Variants in DOCK3 observed in about 807,000 individuals in gnomAD.
DOCK3 encodes dedicator of cytokinesis protein 3.
In DOCK3, 60 loss-of-function variants were observed where a neutral mutation model predicts 265.6. That is an observed-to-expected ratio of 0.23 (90% CI 0.18 to 0.28). DOCK3 has a LOEUF of 0.28. Ranked by LOEUF, DOCK3 falls within the 10% of genes least tolerant of loss-of-function variation. DOCK3 has a pLI of 1.00. For synonymous variants in DOCK3, 881 were observed against 938.0 expected, an observed-to-expected ratio of 0.94 and a Z score of 1.11; for missense variants, 1,981 against 2,594.3, an observed-to-expected ratio of 0.76 and a Z score of 5.14.
At chr3:51,034,132 GT>G (rs1374312215) in intron 5 of DOCK3, among the ~76,000 whole-genome samples, 1 of 152,054 alleles carries the variant, frequency 6.6e-6, no homozygotes, top group Non-Finnish European at 1.5e-5. Flanking sequence ...TTGATGTATA[GT>G]TTTTTCATAA....
At chr3:50,817,527 G>C (rs1192934490) in intron 2 of DOCK3, among the ~76,000 whole-genome samples, 8 of 151,950 alleles carry the variant, frequency 5.3e-5, no homozygotes, top group Admixed American at 2.6e-4. Flanking sequence ...GAACTCCTGG[G>C]GTCAAGTGAT....
intron 46 of DOCK3, 89 bp from the exon 47 acceptor site, chr3:51,360,422 T>C: frequency 6.7e-7 from 1 of 1,487,092 alleles, no homozygotes; most frequent in East Asian, 2.5e-5. Context: ...TTCTTTTACA[T>C]TTTTGATCAC....
intron 3 of DOCK3, chr3:50,863,447 A>AT (rs1425776805): frequency 5.8e-6 from 3 of 519,862 alleles, no homozygotes; most frequent in Non-Finnish European, 1.2e-5. Context: ...CAGTTTGGTG[A>AT]TTCATAGAAT....
chr3:51,211,209 T>C (rs1363276766), intron 13 of DOCK3, among the ~76,000 whole-genome samples: 1 of 152,172 alleles, frequency 6.6e-6, no homozygotes, highest in African/African-American at 2.4e-5. Flanking sequence ...CCTGCAATAT[T>C]TTACACAGGT....
intron 3 of DOCK3, among the ~76,000 whole-genome samples, chr3:50,856,922 G>A (rs1393666548): frequency 6.6e-6 from 1 of 152,074 alleles, no homozygotes; most frequent in Non-Finnish European, 1.5e-5. Context: ...TGCTTTTTCT[G>A]CATCTATTTG....
chr3:50,953,041 C>A lies in DOCK3; in HGVS notation c.315+18964C>A, dbSNP rs143016874. ...AGATGTCACAGTTCCTAAAACCATT[C>A]TCTGACTTTCTAATCCCTAACTAAA... On this transcript the variant is annotated intron_variant, in intron 5 of 52. Transcript: ENST00000266037. Among the ~76,000 whole-genome samples the A allele has an allele frequency of 2.8e-4, 42 of 152,216 alleles. No individual in the cohort carries two copies. In the East Asian group the frequency reaches 7.1e-3, roughly 26 times the overall value.
At chr3:50,752,150 T>C (rs1260385391) in intron 1 of DOCK3, among the ~76,000 whole-genome samples, 3 of 152,154 alleles carry the variant, frequency 2.0e-5, no homozygotes, top group Non-Finnish European at 4.4e-5. Flanking sequence ...GATATTTCAC[T>C]GGAAGCTTTC....
At chr3:50,903,212 A>G (rs949708341) in intron 4 of DOCK3, among the ~76,000 whole-genome samples, 1 of 152,104 alleles carries the variant, frequency 6.6e-6, no homozygotes, top group Non-Finnish European at 1.5e-5. Context: ...GTTGAATAGG[A>G]GTGGTGAGAG....
At chr3:50,779,921 A>G (rs1237488161) in intron 2 of DOCK3, among the ~76,000 whole-genome samples, 3 of 152,240 alleles carry the variant, frequency 2.0e-5, no homozygotes, top group Non-Finnish European at 4.4e-5. Flanking sequence ...GTACGGCTAC[A>G]AGCCATCTCA....
chr3:50,961,961 T>C (rs2076900550), intron 5 of DOCK3, among the ~76,000 whole-genome samples: 2 of 151,694 alleles, frequency 1.3e-5, no homozygotes. Flanking sequence ...AGTACACAAC[T>C]ACTAGAAGTT....
intron 32 of DOCK3, among the ~76,000 whole-genome samples, chr3:51,326,905 A>G (rs1432155508): frequency 6.6e-6 from 1 of 152,092 alleles, no homozygotes; most frequent in Non-Finnish European, 1.5e-5. Flanking sequence ...GGTTACAGGC[A>G]TGACCCACCT....
At chr3:50,827,767 G>A (rs1469394458) in intron 2 of DOCK3, among the ~76,000 whole-genome samples, 1 of 152,108 alleles carries the variant, frequency 6.6e-6, no homozygotes, top group Non-Finnish European at 1.5e-5. Flanking sequence ...ATAGTTAGGT[G>A]TAGGTGTATC....
intron 27 of DOCK3, among the ~76,000 whole-genome samples, chr3:51,306,597 T>C (rs2109437576): frequency 6.6e-6 from 1 of 152,352 alleles, no homozygotes; most frequent in East Asian, 1.9e-4. Flanking sequence ...CTTCATTCTT[T>C]TTTCTTTTTG....
At chr3:50,787,691 C>T in intron 2 of DOCK3, 2 of 1,290,292 alleles carry the variant, frequency 1.6e-6, no homozygotes, top group Non-Finnish European at 2.2e-6. Flanking sequence ...GTGGTAGCTG[C>T]AGCAACAGAG....
At chr3:51,070,899 C>G (rs1560020248) in intron 6 of DOCK3, among the ~76,000 whole-genome samples, 1 of 152,062 alleles carries the variant, frequency 6.6e-6, no homozygotes, top group Non-Finnish European at 1.5e-5. Context: ...TTATGAGAAT[C>G]TAATGCGTGA....
At chr3:50,944,386 C>T (rs2076374550) in intron 5 of DOCK3, among the ~76,000 whole-genome samples, 1 of 152,180 alleles carries the variant, frequency 6.6e-6, no homozygotes, top group Admixed American at 6.5e-5. Context: ...GTTCCCTCTT[C>T]TCAATACTGC....
intron 2 of DOCK3, among the ~76,000 whole-genome samples, chr3:50,786,047 T>G (rs142459525): frequency 1.4e-3 from 219 of 152,224 alleles, no homozygotes; most frequent in African/African-American, 5.1e-3. Context: ...GAGTGTCGTG[T>G]ATTTCCAGAA....
chr3:51,278,374 T>C lies in DOCK3; in HGVS notation c.2823+620T>C. 4.1e-6 allele frequency: 4 copies of C among 985,400 alleles called. No homozygotes were observed. The South Asian group carries it at 1.9e-4, about 46-fold the overall frequency. The allele number at this position is 985,400 out of a possible 1,614,324, so 61.0% of individuals were successfully genotyped here. A position where few individuals can be genotyped will look rare whatever the true frequency, so the allele number is the denominator to read the frequency against. On this transcript the variant is annotated intron_variant, in intron 26 of 52. Coordinates refer to ENST00000266037, the MANE Select transcript of DOCK3 (RefSeq NM_004947.5). Reference sequence around the variant, plus strand: ...CATGCACCCCAACTCCAGAGTAGACTTACTTCTCAGCCCTGAGGTGGGGAT... The same window carrying C: ...CATGCACCCCAACTCCAGAGTAGACCTACTTCTCAGCCCTGAGGTGGGGAT...
chr3:50,947,821 AC>A (rs1218914821), intron 5 of DOCK3, among the ~76,000 whole-genome samples: 1 of 151,694 alleles, frequency 6.6e-6, no homozygotes. Flanking sequence ...TGTAGTGTCA[AC>A]ATAATCCTAA....
Sources: gnomAD v4.1 joint callset for allele counts (sites outside exome capture counted in the v4.1 genomes callset) on GRCh38, gnomAD v4.1.1 for gene constraint, MANE v1.5 for transcripts, NCBI Gene and HGNC (gene_info 2026-07-23, HGNC 2026-07-21) for gene names.